Variants in ZNF506 observed in about 807,000 individuals in gnomAD.
ZNF506 encodes zinc finger protein 506.
ZNF506 carries 10 observed loss-of-function variants against 11.6 expected under a neutral mutation model. The observed-to-expected ratio is 0.86, with a 90% CI of 0.53 to 1.46. The LOEUF (loss-of-function observed/expected upper bound fraction) is 1.46. ZNF506 is among the 40% of genes most tolerant of loss of function. The probability of loss-of-function intolerance (pLI) is 0.00; values close to 1 mark genes in which losing one functional copy is unlikely to be tolerated. For synonymous variants in ZNF506, 156 were observed against 173.3 expected (o/e 0.90, Z 0.78); for missense variants, 425 against 521.2 (o/e 0.82, Z 1.80).
chr19:19,816,775 G>A (rs764470691), intron 1 of ZNF506, among the ~76,000 whole-genome samples: 6 of 149,876 alleles, frequency 4.0e-5, no homozygotes, highest in Non-Finnish European at 7.4e-5. Context: ...GATTACAGGC[G>A]TGAGCCACCA....
At chr19:19,816,533 T>C (rs2062933220) in intron 1 of ZNF506, among the ~76,000 whole-genome samples, 4 of 152,106 alleles carry the variant, frequency 2.6e-5, no homozygotes, top group Admixed American at 2.6e-4. Context: ...AATTTTTTTG[T>C]ATTTGTAGTA....
At chr19:19,816,624 C>T (rs1393692563) in intron 1 of ZNF506, among the ~76,000 whole-genome samples, 1 of 152,020 alleles carries the variant, frequency 6.6e-6, no homozygotes, top group Admixed American at 6.6e-5. Flanking sequence ...TCCCAAAGTG[C>T]TGGGATTACA....
At chr19:19,810,331 GA>G in intron 1 of ZNF506, among the ~76,000 whole-genome samples, 1 of 152,172 alleles carries the variant, frequency 6.6e-6, no homozygotes, top group South Asian at 2.1e-4. Context: ...AGACAAAACA[GA>G]AGGCAGCAAT....
chr19:19,810,929 AAT>A (rs1279173055), intron 1 of ZNF506, among the ~76,000 whole-genome samples: 2 of 152,090 alleles, frequency 1.3e-5, no homozygotes, highest in Non-Finnish European at 2.9e-5. Context: ...GTCAGAACTA[AAT>A]AGTCTCCAAA....
At chr19:19,814,264 C>T (rs748607818) in intron 1 of ZNF506, among the ~76,000 whole-genome samples, 48 of 151,674 alleles carry the variant, frequency 3.2e-4, no homozygotes, top group Non-Finnish European at 5.3e-4. Context: ...CAAAATTATC[C>T]GGGGTTGGTG....
rs894560635 is a variant in ZNF506, at chr19:19,793,397, GA to G, written c.*1154del. Among the ~76,000 whole-genome samples the G allele has an allele frequency of 1.3e-5, 2 of 149,598 alleles. No individual in the cohort carries two copies. The highest frequency in any genetic ancestry group is 2.5e-5 in the African/African-American group (1 of 40,772). ...TGATGTTTTCTAAGCTATAGATTTTGAAAAAAAAAGTCTTTCCAAATTCATT... is the reference window on the plus strand; with the variant it reads ...TGATGTTTTCTAAGCTATAGATTTTGAAAAAAAAGTCTTTCCAAATTCATT... On this transcript the variant is annotated 3_prime_UTR_variant, in exon 4 of 4. Coordinates refer to ENST00000540806, the MANE Select transcript of ZNF506 (RefSeq NM_001099269.3).
chr19:19,805,825 A>C (rs2062831364), intron 3 of ZNF506, among the ~76,000 whole-genome samples: 2 of 152,204 alleles, frequency 1.3e-5, no homozygotes, highest in South Asian at 4.2e-4. Flanking sequence ...TAGAATTCTT[A>C]GAGAATTGAA....
In ZNF506 at chr19:19,793,361, T is replaced by C. The variant is rs904460193; in HGVS notation, c.*1191A>G. On this transcript the variant is annotated 3_prime_UTR_variant, in exon 4 of 4. Transcript: ENST00000540806. ...TTACATCTGCAAAAATATACTTTAG[T>C]ATAAACTCTCTGATGTTTTCTAAGC... Among the ~76,000 whole-genome samples, 1 of 152,152 alleles carries C rather than the reference T, an allele frequency of 6.6e-6. No individual in the cohort carries two copies. Among genetic ancestry groups the C allele is most frequent in the Non-Finnish European group, 1.5e-5 (1 of 68,016 alleles).
Position 19,814,810 on chromosome 19 carries a change from G to A in ZNF506, c.3+6791C>T, listed in dbSNP as rs963705981. On this transcript the variant is annotated intron_variant, in intron 1 of 3. Transcript: ENST00000540806. Reference sequence around the variant, plus strand: ...GGCTGTACTCTATTTATTTCCGTGTGCATGCAGGCAGGTGAGATTATGAAC... The same window carrying A: ...GGCTGTACTCTATTTATTTCCGTGTACATGCAGGCAGGTGAGATTATGAAC... Among the ~76,000 whole-genome samples the A allele has an allele frequency of 5.9e-5, 9 of 152,176 alleles. No individual in the cohort carries two copies. The East Asian group carries it at 1.5e-3, about 26-fold the overall frequency.
At chr19:19,815,168 G>A (rs2062919616) in intron 1 of ZNF506, among the ~76,000 whole-genome samples, 1 of 152,200 alleles carries the variant, frequency 6.6e-6, no homozygotes, top group African/African-American at 2.4e-5. Context: ...GCTGAGACAG[G>A]AGAATGGCGT....
At chr19:19,815,381 G>A (rs2062922075) in intron 1 of ZNF506, among the ~76,000 whole-genome samples, 2 of 152,198 alleles carry the variant, frequency 1.3e-5, no homozygotes, top group Admixed American at 6.5e-5. Flanking sequence ...GTGAGTGGGT[G>A]GGAATCCTGT....
intron 1 of ZNF506, among the ~76,000 whole-genome samples, chr19:19,819,152 T>G (rs2062952835): frequency 6.6e-6 from 1 of 152,168 alleles, no homozygotes; most frequent in African/African-American, 2.4e-5. Flanking sequence ...ACGTGCATTT[T>G]ACTTTGTTAA....
chr19:19,793,629 G>C lies in ZNF506; in HGVS notation c.*923C>G, dbSNP rs910847219. On this transcript the variant is annotated 3_prime_UTR_variant, in exon 4 of 4. Transcript: ENST00000540806. ...GCTTATATTTTCTGAAAGATTTTTT[G>C]ACAGTAATTGCACTTTTATTGCTTT... is the stretch of plus-strand genomic sequence containing the variant. 2.0e-5 allele frequency among the ~76,000 whole-genome samples: 3 copies of C among 152,126 alleles called. No homozygotes were observed. Among genetic ancestry groups the C allele is most frequent in the African/African-American group, 7.2e-5 (3 of 41,434 alleles).
At chr19:19,803,573 C>T (rs2145184974) in intron 3 of ZNF506, among the ~76,000 whole-genome samples, 1 of 152,340 alleles carries the variant, frequency 6.6e-6, no homozygotes, top group South Asian at 2.1e-4. Flanking sequence ...GGAATTACAA[C>T]TACCCAAGTC....
chr19:19,806,856 A>G, intron 2 of ZNF506, 86 bp downstream of exon 2: 1 of 1,499,056 alleles, frequency 6.7e-7, no homozygotes, highest in Non-Finnish European at 9.0e-7. Context: ...GTATGCAAAG[A>G]ATAAATTACT....
intron 2 of ZNF506, 27 bp downstream of exon 2, chr19:19,806,915 T>C: frequency 6.2e-7 from 1 of 1,603,732 alleles, no homozygotes; most frequent in Non-Finnish European, 8.5e-7. Flanking sequence ...AGTAATATTA[T>C]GAATTATGTA....
intron 3 of ZNF506, chr19:19,797,857 A>G (rs954105307): frequency 6.6e-6 from 1 of 152,220 alleles, no homozygotes; most frequent in Non-Finnish European, 1.5e-5. Flanking sequence ...TATTAAAGTT[A>G]TAATAAAAAA....
intron 3 of ZNF506, chr19:19,797,666 T>C (rs983051999): frequency 7.2e-5 from 11 of 151,986 alleles, no homozygotes; most frequent in Non-Finnish European, 1.3e-4. Context: ...AACTAGGATA[T>C]ACCCAAACAT....
intron 1 of ZNF506, among the ~76,000 whole-genome samples, chr19:19,813,286 T>G (rs1051027755): frequency 6.6e-6 from 1 of 152,242 alleles, no homozygotes; most frequent in Non-Finnish European, 1.5e-5. Flanking sequence ...CTTTGGATAT[T>G]AGATATAAAT....
Sources: allele counts gnomAD v4.1 joint callset (sites outside exome capture counted in the v4.1 genomes callset), GRCh38; gene constraint gnomAD v4.1.1; transcripts MANE v1.5; gene names NCBI Gene and HGNC (gene_info 2026-07-23, HGNC 2026-07-21).